The following PKD2L1 variants were observed in gnomAD, a reference collection of about 807,000 sequenced individuals.
PKD2L1 encodes the protein polycystin-2-like protein 1.
In PKD2L1, 77 loss-of-function variants were observed where a neutral mutation model predicts 93.0. The observed-to-expected ratio is 0.83, with a 90% CI of 0.69 to 1.00. The LOEUF (loss-of-function observed/expected upper bound fraction) is 1.00. PKD2L1 is among the 50% of genes least tolerant of loss of function. The probability of loss-of-function intolerance (pLI) is 0.00; values close to 1 mark genes in which losing one functional copy is unlikely to be tolerated. For synonymous variants in PKD2L1, 390 were observed against 388.0 expected, an observed-to-expected ratio of 1.01 and a Z score of -0.06; for missense variants, 977 against 990.9, an observed-to-expected ratio of 0.99 and a Z score of 0.19.
In PKD2L1 at chr10:100,330,028, T is replaced by A. The variant is rs1171876196; in HGVS notation, c.76A>T (p.Ser26Cys). 8 of 1,613,068 alleles carry A rather than the reference T, an allele frequency of 5.0e-6. No homozygotes were observed. The highest frequency in any genetic ancestry group is 1.3e-5 in the African/African-American group (1 of 74,898). Residue 26 changes from serine to cysteine, a missense_variant, in exon 1 of 16, where the codon AGT becomes TGT. By Grantham distance (112) the Ser-to-Cys change is moderately radical. Transcript: ENST00000318222. ...GSGAWDNPAY[S>C]GPPSPHGTLR... ...GTCCCGTGTGGGGAAGGGGGACCAC[T>A]GTAGGCGGGGTTGTCCCAGGCTCCA... is the stretch of plus-strand genomic sequence containing the variant.
Position 100,294,543 on chromosome 10 carries a change from C to T in PKD2L1, c.1651G>A (p.Val551Met), listed in dbSNP as rs144837625. 3.2e-5 allele frequency: 52 copies of T among 1,613,726 alleles called. No homozygotes were observed. In the African/African-American group the frequency reaches 4.0e-4, roughly 12 times the overall value. The change falls in exon 9 of 16, where the codon GTG becomes ATG. Residue 551 changes from valine to methionine, a missense_variant. By Grantham distance (21) the Val-to-Met change is conservative. Transcript: ENST00000318222. The stretch of plus-strand genomic sequence containing the variant: ...CTCAGAGAGACCCTCACCAGGAGCA[C>T]GAAGAAGACGAAGAAGACATAGGTG... ...FVTYVFFVFFVLLNMFLAIIN... is the reference protein window; with the variant it reads ...FVTYVFFVFFMLLNMFLAIIN...
intron 2 of PKD2L1, among the ~76,000 whole-genome samples, chr10:100,311,441 A>G (rs769014929): frequency 6.6e-6 from 1 of 152,202 alleles, no homozygotes; most frequent in Non-Finnish European, 1.5e-5. Flanking sequence ...ATGACTAATA[A>G]TTATTATTAA....
At chr10:100,311,060 T>A (rs1440386200) in intron 2 of PKD2L1, among the ~76,000 whole-genome samples, 3 of 152,210 alleles carry the variant, frequency 2.0e-5, no homozygotes, top group Non-Finnish European at 1.5e-5. Flanking sequence ...ATTGCTTTTA[T>A]CCTTTATGAT....
intron 14 of PKD2L1, among the ~76,000 whole-genome samples, chr10:100,289,278 G>C (rs560158639): frequency 6.6e-6 from 1 of 152,178 alleles, no homozygotes; most frequent in Admixed American, 6.5e-5. Context: ...GTGGGCTCAC[G>C]CCTGTAATTC....
chr10:100,316,491 C>T (rs1426130130), intron 2 of PKD2L1, among the ~76,000 whole-genome samples: 1 of 152,194 alleles, frequency 6.6e-6, no homozygotes, highest in Non-Finnish European at 1.5e-5. Flanking sequence ...TATTTCAAAA[C>T]CCTCAGCACT....
At chr10:100,305,423 A>G (rs1252916921) in intron 2 of PKD2L1, among the ~76,000 whole-genome samples, 3 of 152,138 alleles carry the variant, frequency 2.0e-5, no homozygotes, top group Admixed American at 6.5e-5. Flanking sequence ...CAAGTGAATC[A>G]ATTTCAAACT....
intron 12 of PKD2L1, 145 bp from the exon 13 acceptor site, chr10:100,290,664 A>AC: frequency 1.6e-6 from 1 of 612,994 alleles, no homozygotes; most frequent in East Asian, 2.7e-5. Context: ...GACTCTGGAG[A>AC]CAATAGGGTC....
At chr10:100,293,998 ATCTAC>A (rs1312088107) in intron 9 of PKD2L1, among the ~76,000 whole-genome samples, 2 of 152,166 alleles carry the variant, frequency 1.3e-5, no homozygotes, top group Non-Finnish European at 2.9e-5. Flanking sequence ...CAGTGGTCCT[ATCTAC>A]TCAGGAAGCT....
At chr10:100,289,928 A>C (rs3894173) in intron 14 of PKD2L1, 87 bp downstream of exon 14, 6 of 1,492,568 alleles carry the variant, frequency 4.0e-6, no homozygotes, top group Non-Finnish European at 4.6e-6. Flanking sequence ...AGGTCTTTCA[A>C]AAATGTTCTT....
intron 3 of PKD2L1, 68 bp downstream of exon 3, chr10:100,299,523 G>T (rs555150273): frequency 7.1e-7 from 1 of 1,415,650 alleles, no homozygotes; most frequent in Admixed American, 1.7e-5. Flanking sequence ...GGTCTGATCC[G>T]TTGTCTGACC....
At chr10:100,323,781 C>T (rs1175135288) in intron 2 of PKD2L1, among the ~76,000 whole-genome samples, 2 of 152,108 alleles carry the variant, frequency 1.3e-5, no homozygotes, top group African/African-American at 2.4e-5. Context: ...CCACAAGCAG[C>T]ACTGAAAAGT....
chr10:100,295,006 CA>C lies in PKD2L1; in HGVS notation c.1473del (p.Tyr491Ter), dbSNP rs1235620357. On this transcript the variant is annotated frameshift_variant, in exon 8 of 16. Coordinates refer to ENST00000318222, the MANE Select transcript of PKD2L1 (RefSeq NM_016112.3). LOFTEE classifies it high-confidence loss of function. ...AVMFFIVFFA[Y>X]AQLGYLLFGT... ...CCGAAAAGCAGGTAGCCGAGTTGGG[CA>C]TAGGCGAAGAAAACAATGAAGAACA... The C allele has an allele frequency of 1.9e-6, 3 of 1,614,036 alleles. No homozygotes were observed. In the African/African-American group the frequency reaches 4.0e-5, roughly 22 times the overall value.
chr10:100,293,664 TC>T (rs1217088027), intron 9 of PKD2L1, among the ~76,000 whole-genome samples: 1 of 152,156 alleles, frequency 6.6e-6, no homozygotes, highest in African/African-American at 2.4e-5. Context: ...GCCACAGACC[TC>T]CTTTGTATAA....
At chr10:100,305,037 A>C (rs913740141) in intron 2 of PKD2L1, among the ~76,000 whole-genome samples, 4 of 152,200 alleles carry the variant, frequency 2.6e-5, no homozygotes, top group Admixed American at 6.5e-5. Context: ...TTGAACCAAC[A>C]GTGGAAAAAT....
chr10:100,307,779 T>C (rs1422583591), intron 2 of PKD2L1, among the ~76,000 whole-genome samples: 1 of 152,212 alleles, frequency 6.6e-6, no homozygotes, highest in Non-Finnish European at 1.5e-5. Context: ...TTTTCACCAC[T>C]GGGCGTGTCA....
chr10:100,288,519 AT>A (rs1848329195), intron 15 of PKD2L1, 41 bp from the exon 16 acceptor site: 2 of 1,162,608 alleles, frequency 1.7e-6, no homozygotes, highest in African/African-American at 3.0e-5. Flanking sequence ...CTAGCAACAA[AT>A]CTTGGGATGC....
rs749741632 is a variant in PKD2L1 at position 100,290,396 on chromosome 10, C to T, written c.2126+5G>A. On this transcript the variant is annotated splice_donor_5th_base_variant and intron_variant, in intron 13 of 15. Transcript: ENST00000318222. ...CCTGAACCAGCCTTTCTTGGCTGCA[C>T]GTACATGTAGAATTCTTCTCCTGAA... 2.3e-5 allele frequency: 37 copies of T among 1,588,858 alleles called. No individual in the cohort carries two copies. The highest frequency in any genetic ancestry group is 5.4e-5 in the African/African-American group (4 of 74,428).
Position 100,292,966 on chromosome 10 carries a change from A to C in PKD2L1, c.1862T>G (p.Phe621Cys), listed in dbSNP as rs772948535. 1.9e-6 allele frequency: 3 copies of C among 1,614,058 alleles called. No homozygotes were observed. The highest frequency in any genetic ancestry group is 2.5e-6 in the Non-Finnish European group (3 of 1,179,982). ...GGEQEIQFED[F>C]TNTLRELGHA... is the part of the protein sequence containing the mutation. ...TGCTCACTCCCTTAAGGTGTTGGTG[A>C]AATCCTCAAACTGGATCTCCTGCTC... The change falls in exon 11 of 16, where the codon TTC becomes TGC. Residue 621 changes from phenylalanine to cysteine, a missense_variant. Physicochemically the swap from Phe to Cys is radical, Grantham distance 205. Transcript: ENST00000318222.
At position 100,329,961 on chromosome 10, in the gene PKD2L1, G is replaced by C. The variant is rs146977547; in HGVS notation, c.143C>G (p.Pro48Arg). 3.0e-4 allele frequency: 492 copies of C among 1,613,914 alleles called. 2 individuals are homozygous for C. The highest frequency in any genetic ancestry group is 6.3e-5 in the Non-Finnish European group (74 of 1,179,964). The change falls in exon 1 of 16, where the codon CCC becomes CGC. Residue 48 changes from proline to arginine, a missense_variant. Transcript: ENST00000318222. The stretch of plus-strand genomic sequence containing the variant: ...TTCATCTTCAGGCTTCTTGGGTTGG[G>C]GCTGGAGAGGCCCCGTGCTGGAGAT... ...CTISSTGPLQ[P>R]QPKKPEDEPQ...
Sources: gnomAD v4.1 joint callset for allele counts (sites outside exome capture counted in the v4.1 genomes callset) on GRCh38, gnomAD v4.1.1 for gene constraint, MANE v1.5 for transcripts, NCBI Gene and HGNC (gene_info 2026-07-23, HGNC 2026-07-21) for gene names.